The following SPATS2 variants were observed in gnomAD, a reference collection of about 807,000 sequenced individuals.
SPATS2 encodes spermatogenesis-associated serine-rich protein 2.
In SPATS2, 38 loss-of-function variants were observed where a neutral mutation model predicts 63.7. That is an observed-to-expected ratio of 0.60 (90% CI 0.46 to 0.78). The LOEUF is 0.78. SPATS2 is among the 30% of genes least tolerant of loss of function. SPATS2 has a pLI of 0.00. For synonymous variants in SPATS2, 207 were observed against 232.9 expected, an observed-to-expected ratio of 0.89 and a Z score of 1.01; for missense variants, 588 against 666.2, an observed-to-expected ratio of 0.88 and a Z score of 1.29.
chr12:49,517,110 T>G (rs1946863764), intron 10 of SPATS2, among the ~76,000 whole-genome samples: 2 of 152,248 alleles, frequency 1.3e-5, no homozygotes, highest in Non-Finnish European at 2.9e-5. Context: ...TTTGCCATTT[T>G]GAGAGCTATA....
chr12:49,520,937 T>A (rs1215467130), intron 11 of SPATS2, among the ~76,000 whole-genome samples: 2 of 152,114 alleles, frequency 1.3e-5, no homozygotes, highest in African/African-American at 4.8e-5. Context: ...CAGGCTGGTC[T>A]CGAACCCCTG....
chr12:49,404,431 T>G (rs1404221252), intron 2 of SPATS2, among the ~76,000 whole-genome samples: 1 of 151,890 alleles, frequency 6.6e-6, no homozygotes, highest in Non-Finnish European at 1.5e-5. Context: ...GGACCACAGG[T>G]GCATGCCACT....
At chr12:49,424,220 A>G (rs112697513) in intron 2 of SPATS2, among the ~76,000 whole-genome samples, 14,003 of 152,030 alleles carry the variant, frequency 0.092, 747 homozygotes, top group African/African-American at 0.14. Flanking sequence ...ACAAACAAAC[A>G]AACAAAAAAA....
chr12:49,496,906 A>C lies in SPATS2; in HGVS notation c.600A>C (p.Gln200His). ...CTATGCACTCTATTCACAATTCTCA[A>C]CAACCCAGGAATGCTGCCAAATCTC... ...SLTMHSIHNS[Q>H]QPRNAAKSLS... is the part of the protein sequence containing the mutation. Residue 200 changes from glutamine (Q) to histidine (H), a missense_variant, in exon 8 of 14, where the codon CAA becomes CAC. Gln to His is a conservative substitution (Grantham distance 24). Coordinates refer to ENST00000552918, the MANE Select transcript of SPATS2 (RefSeq NM_023071.4). 1 of 1,613,872 alleles carries C rather than the reference A, an allele frequency of 6.2e-7. No homozygotes were observed. Among genetic ancestry groups the C allele is most frequent in the Non-Finnish European group, 8.5e-7 (1 of 1,179,930 alleles).
intron 2 of SPATS2, among the ~76,000 whole-genome samples, chr12:49,433,582 A>G (rs2137495472): frequency 6.6e-6 from 1 of 152,300 alleles, no homozygotes; most frequent in East Asian, 1.9e-4. Context: ...CCATTTATTT[A>G]TCTTCTCTGG....
chr12:49,367,625 G>T lies in SPATS2; in HGVS notation c.-307+38G>T, dbSNP rs1385252624. 7.6e-4 allele frequency: 268 copies of T among 354,810 alleles called. 2 individuals are homozygous for T. Among genetic ancestry groups the T allele is most frequent in the Non-Finnish European group, 5.5e-5 (11 of 199,940 alleles). The allele number at this position is 354,810 out of a possible 1,614,324, so 22.0% of individuals were successfully genotyped here. ...GTGCTGGGTGGCGGGGTTGGCGGGG[G>T]CTCAGAGGGCGCCGAGGTGCGGGGA... On this transcript the variant is annotated intron_variant, in intron 1 of 13. Transcript: ENST00000552918.
chr12:49,514,551 C>G lies in SPATS2; in HGVS notation c.840-4C>G. On this transcript the variant is annotated splice_polypyrimidine_tract_variant and splice_region_variant and intron_variant, in intron 9 of 13. Transcript: ENST00000552918. ...CTTTTTATTCCTTTGTCATCTTTTC[C>G]TAGTTTAATGGATCGAGAAGTGGCG... 6.2e-7 allele frequency: 1 copy of G among 1,610,940 alleles called. No homozygotes were observed. The highest frequency in any genetic ancestry group is 1.1e-5 in the South Asian group (1 of 90,440).
chr12:49,380,081 A>G (rs185264472), intron 2 of SPATS2, among the ~76,000 whole-genome samples: 45 of 152,018 alleles, frequency 3.0e-4, no homozygotes, highest in Non-Finnish European at 4.9e-4. Flanking sequence ...CACACAATAT[A>G]TGACCTTTTG....
At chr12:49,427,839 TAA>T (rs1350350993) in intron 2 of SPATS2, among the ~76,000 whole-genome samples, 1 of 152,230 alleles carries the variant, frequency 6.6e-6, no homozygotes, top group East Asian at 1.9e-4. Context: ...ACTAGCTCTT[TAA>T]AAACCTTCAT....
At chr12:49,390,105 G>A (rs1174757300) in intron 2 of SPATS2, 3 of 1,475,312 alleles carry the variant, frequency 2.0e-6, no homozygotes, top group African/African-American at 1.4e-5. Flanking sequence ...AAGATGTGTC[G>A]GAAAGTACTT....
intron 9 of SPATS2, among the ~76,000 whole-genome samples, chr12:49,506,728 T>G (rs1235336770): frequency 6.6e-6 from 1 of 151,922 alleles, no homozygotes; most frequent in Non-Finnish European, 1.5e-5. Context: ...GTGCCCATAG[T>G]CCAGCTACTC....
At position 49,526,247 on chromosome 12, in the gene SPATS2, A is replaced by G; in HGVS notation, c.1630A>G (p.Asn544Asp). 6.2e-7 allele frequency: 1 copy of G among 1,605,442 alleles called. No homozygotes were observed. The highest frequency in any genetic ancestry group is 8.5e-7 in the Non-Finnish European group (1 of 1,175,834). Residue 544 changes from asparagine to aspartate, a missense_variant, in exon 14 of 14, where the codon AAC becomes GAC. Coordinates refer to ENST00000552918, the MANE Select transcript of SPATS2 (RefSeq NM_023071.4). ...KPRTSQTEAV[N>D]S The stretch of plus-strand genomic sequence containing the variant: ...CAGGACCTCTCAGACTGAAGCCGTG[A>G]ACTCTTGAGAGAAAATCCAGTTGGC...
Position 49,496,992 on chromosome 12 carries a change from C to G in SPATS2, c.686C>G (p.Ala229Gly). The change falls in exon 8 of 14, where the codon GCC (alanine) becomes GGC (glycine). Residue 229 changes from alanine to glycine, a missense_variant. Physicochemically the swap from Ala to Gly is moderately conservative, Grantham distance 60. Transcript: ENST00000552918. ...ATGGGGATGGAAGATGTTCCCCTCG[C>G]CACCAGTAAAAAGCTAAGTAAGTCA... ...SNMGMEDVPL[A>G]TSKKLSSNIE... 1 of 1,557,624 alleles carries G rather than the reference C, an allele frequency of 6.4e-7. No individual in the cohort carries two copies. The highest frequency in any genetic ancestry group is 8.7e-7 in the Non-Finnish European group (1 of 1,154,268).
intron 2 of SPATS2, among the ~76,000 whole-genome samples, chr12:49,440,600 C>T (rs1204934212): frequency 6.6e-6 from 1 of 151,938 alleles, no homozygotes; most frequent in Non-Finnish European, 1.5e-5. Flanking sequence ...TCCCGAGTAG[C>T]TGGGACGACA....
intron 8 of SPATS2, among the ~76,000 whole-genome samples, chr12:49,497,392 CT>C (rs113685100): frequency 0.018 from 2,582 of 142,796 alleles, 46 homozygotes; most frequent in African/African-American, 0.048. Context: ...CTGACATTGA[CT>C]TTTTTTTTTT....
At chr12:49,435,372 C>T (rs1945258084) in intron 2 of SPATS2, among the ~76,000 whole-genome samples, 1 of 148,814 alleles carries the variant, frequency 6.7e-6, no homozygotes, top group South Asian at 2.1e-4. Context: ...TCGCCCGGGC[C>T]AGAGTGCCAT....
intron 1 of SPATS2, among the ~76,000 whole-genome samples, chr12:49,370,578 C>G (rs1233935479): frequency 6.6e-6 from 1 of 152,204 alleles, no homozygotes; most frequent in Non-Finnish European, 1.5e-5. Flanking sequence ...CATCTAGACT[C>G]TGGAGGATGA....
chr12:49,436,541 C>T (rs1308695809), intron 2 of SPATS2, among the ~76,000 whole-genome samples: 3 of 117,510 alleles, frequency 2.6e-5, no homozygotes, highest in Admixed American at 2.4e-4. Flanking sequence ...CCCCCCGCCT[C>T]CTGGCCGGGC....
intron 2 of SPATS2, among the ~76,000 whole-genome samples, chr12:49,436,357 C>A (rs1378553652): frequency 6.9e-6 from 1 of 144,612 alleles, no homozygotes; most frequent in Non-Finnish European, 1.5e-5. Flanking sequence ...CGGGCAGAGG[C>A]GCCCCTCATC....
Sources: gnomAD v4.1 joint callset for allele counts (sites outside exome capture counted in the v4.1 genomes callset) on GRCh38, gnomAD v4.1.1 for gene constraint, MANE v1.5 for transcripts, NCBI Gene and HGNC (gene_info 2026-07-23, HGNC 2026-07-21) for gene names.